RIMS3: variants seen among roughly 807,000 people sequenced by gnomAD.
RIMS3 encodes regulating synaptic membrane exocytosis protein 3.
In RIMS3, 15 loss-of-function variants were observed where a neutral mutation model predicts 29.2. The observed-to-expected ratio is 0.51, with a 90% CI of 0.34 to 0.79. The LOEUF is 0.79. Ranked by LOEUF, RIMS3 falls within the 30% of genes least tolerant of loss-of-function variation. The pLI is 0.01. For missense variants in RIMS3, 342 were observed against 421.4 expected, an observed-to-expected ratio of 0.81 and a Z score of 1.65; for synonymous variants, 161 against 170.1, an observed-to-expected ratio of 0.95 and a Z score of 0.41.
chr1:40,677,692 C>A, the RIMS3 span, among the ~76,000 whole-genome samples: 8 of 151,560 alleles, frequency 5.3e-5, no homozygotes, highest in Non-Finnish European at 1.2e-4. Flanking sequence ...AGCGAGATTA[C>A]ATCTCAAAAA....
chr1:40,664,185 T>C (rs1286874182), intron 1 of RIMS3, among the ~76,000 whole-genome samples: 1 of 152,062 alleles, frequency 6.6e-6, no homozygotes, highest in South Asian at 2.1e-4. Context: ...ACAAAGGGCA[T>C]GGTGCTTGGT....
chr1:40,647,067 G>A (rs1029685397), intron 2 of RIMS3, among the ~76,000 whole-genome samples: 1 of 152,066 alleles, frequency 6.6e-6, no homozygotes, highest in African/African-American at 2.4e-5. Flanking sequence ...TTTTAGTAGA[G>A]ATGGGGTTTT....
intron 1 of RIMS3, among the ~76,000 whole-genome samples, chr1:40,652,241 G>A (rs569938529): frequency 1.6e-4 from 24 of 152,270 alleles, no homozygotes; most frequent in African/African-American, 5.3e-4. Context: ...GCAAGATTCC[G>A]TCCTCAATGA....
the RIMS3 span, among the ~76,000 whole-genome samples, chr1:40,688,458 T>C: frequency 6.6e-6 from 1 of 152,220 alleles, no homozygotes; most frequent in Non-Finnish European, 1.5e-5. Context: ...GTTGAACCAT[T>C]TCCTGGGGGT....
At chr1:40,681,339 T>G in the RIMS3 span, among the ~76,000 whole-genome samples, 8 of 152,112 alleles carry the variant, frequency 5.3e-5, no homozygotes, top group Non-Finnish European at 1.5e-5. Flanking sequence ...GCATCGAAAC[T>G]GATGTGATTG....
the RIMS3 span, among the ~76,000 whole-genome samples, chr1:40,672,860 T>C: frequency 3.0e-5 from 3 of 100,500 alleles, no homozygotes; most frequent in African/African-American, 1.4e-4. Flanking sequence ...TAAGACCCCA[T>C]CTCTGGAGAA....
chr1:40,658,647 C>T (rs193185300), intron 1 of RIMS3, among the ~76,000 whole-genome samples: 28 of 152,340 alleles, frequency 1.8e-4, no homozygotes, highest in African/African-American at 6.7e-4. Context: ...AGTTCTCTCT[C>T]TCCATGTGGC....
intron 5 of RIMS3, among the ~76,000 whole-genome samples, chr1:40,632,418 T>TTATATATATATATA (rs56394507): frequency 1.1e-5 from 1 of 87,992 alleles, no homozygotes; most frequent in Non-Finnish European, 2.3e-5. Context: ...ACATATAAAT[T>TTATATATATATATA]TATATATATA....
the RIMS3 span, among the ~76,000 whole-genome samples, chr1:40,672,627 C>T: frequency 6.6e-6 from 1 of 152,162 alleles, no homozygotes; most frequent in Non-Finnish European, 1.5e-5. Flanking sequence ...TCCTTGGAGG[C>T]TATTTGTTAT....
Position 40,654,623 on chromosome 1 carries a change from ACACACAT to A in RIMS3, c.-206-6788_-206-6782del, listed in dbSNP as rs1262587324. 2.6e-5 allele frequency among the ~76,000 whole-genome samples: 4 copies of A among 151,944 alleles called. No individual in the cohort carries two copies. The highest frequency in any genetic ancestry group is 9.7e-5 in the African/African-American group (4 of 41,358). On this transcript the variant is annotated intron_variant, in intron 1 of 7. Transcript: ENST00000372684. This position sits in a 1 kb window ranked among gnomAD's most constrained non-coding sequence, Gnocchi z 5.3. ...ATGGAGATGCAGCTACCACAGACTC[ACACACAT>A]CACACAGACCCACAACACACCCTGC...
rs754500717 is a variant in RIMS3, at chr1:40,623,111, AT to A, written c.*3405del. 2 of 293,832 alleles carry A rather than the reference AT, an allele frequency of 6.8e-6. No homozygotes were observed. Among genetic ancestry groups the A allele is most frequent in the Non-Finnish European group, 1.2e-5 (2 of 160,114 alleles). The allele number at this position is 293,832 out of a possible 1,614,324, so 18.2% of individuals were successfully genotyped here. On this transcript the variant is annotated 3_prime_UTR_variant, in exon 8 of 8. Coordinates refer to ENST00000372684, the MANE Select transcript of RIMS3 (RefSeq NM_014747.3). ...AGTGATTCCACAGAGGATGAGCTCT[AT>A]GGGTGGCCTTTCTTGGAGCTCCTGG...
At chr1:40,673,603 C>T in the RIMS3 span, 3 of 152,418 alleles carry the variant, frequency 2.0e-5, no homozygotes, top group African/African-American at 7.2e-5. Context: ...TCTTGCTATT[C>T]CCACATGTGG....
At chr1:40,653,798 G>C (rs543044261) in intron 1 of RIMS3, among the ~76,000 whole-genome samples, 1 of 152,084 alleles carries the variant, frequency 6.6e-6, no homozygotes, top group Non-Finnish European at 1.5e-5. Flanking sequence ...CATCCACCTG[G>C]GACCCTTGTG....
intron 1 of RIMS3, among the ~76,000 whole-genome samples, chr1:40,664,381 C>A (rs956952323): frequency 2.0e-5 from 3 of 152,130 alleles, no homozygotes; most frequent in African/African-American, 7.2e-5. Flanking sequence ...GCTCATTAAC[C>A]CCTTGTTGAC....
At chr1:40,628,643 A>G (rs1646469372) in intron 7 of RIMS3, among the ~76,000 whole-genome samples, 167 bp downstream of exon 7, 1 of 152,202 alleles carries the variant, frequency 6.6e-6, no homozygotes, top group Admixed American at 6.5e-5. Flanking sequence ...TTCCTTATGA[A>G]TCAACTGGGG....
the RIMS3 span, among the ~76,000 whole-genome samples, chr1:40,686,434 T>C: frequency 8.2e-4 from 124 of 152,136 alleles, no homozygotes; most frequent in Middle Eastern, 6.8e-3. Context: ...GGGTGGATCA[T>C]GAGGTCAGGA....
chr1:40,623,677 A>G lies in RIMS3; in HGVS notation c.*2840T>C, dbSNP rs1239761936. ...CCTTCCTTCCCCACCCCCCGTCCTCAAACAGCAGATGCTCCCCCACCCCAG... is the reference window on the plus strand; with the variant it reads ...CCTTCCTTCCCCACCCCCCGTCCTCGAACAGCAGATGCTCCCCCACCCCAG... On this transcript the variant is annotated 3_prime_UTR_variant, in exon 8 of 8. Transcript: ENST00000372684. 3.1e-6 allele frequency: 1 copy of G among 319,922 alleles called. No individual in the cohort carries two copies. Among genetic ancestry groups the G allele is most frequent in the East Asian group, 4.0e-5 (1 of 25,066 alleles). The allele number at this position is 319,922 out of a possible 1,614,324, so 19.8% of individuals were successfully genotyped here.
intron 2 of RIMS3, among the ~76,000 whole-genome samples, chr1:40,643,832 C>G (rs752571946): frequency 6.6e-6 from 1 of 152,098 alleles, no homozygotes; most frequent in Non-Finnish European, 1.5e-5. Flanking sequence ...ACTGATTCCT[C>G]GAAATGGAAC....
the RIMS3 span, among the ~76,000 whole-genome samples, chr1:40,690,171 G>A: frequency 6.6e-6 from 1 of 152,108 alleles, no homozygotes; most frequent in South Asian, 2.1e-4. Flanking sequence ...CTGCTTCATT[G>A]TAACTAAATG....
Sources: allele counts gnomAD v4.1 joint callset (sites outside exome capture counted in the v4.1 genomes callset), GRCh38; gene constraint gnomAD v4.1.1; non-coding constraint Gnocchi (gnomAD v3.1); transcripts MANE v1.5; gene names NCBI Gene and HGNC (gene_info 2026-07-23, HGNC 2026-07-21).